CFAP44: variants seen among roughly 807,000 people sequenced by gnomAD.
The protein encoded by CFAP44 is cilia- and flagella-associated protein 44.
CFAP44 carries 134 observed loss-of-function variants against 216.2 expected under a neutral mutation model. The ratio of observed to expected loss-of-function variants is 0.62; its 90% CI spans 0.54 to 0.72. The LOEUF (loss-of-function observed/expected upper bound fraction) is 0.72. CFAP44 is among the 30% of genes least tolerant of loss of function. CFAP44 has a pLI of 0.00. For missense variants in CFAP44, 2,035 were observed against 2,182.1 expected (o/e 0.93, Z 1.34); for synonymous variants, 700 against 727.6 (o/e 0.96, Z 0.61).
chr3:113,362,983 A>G, intron 21 of CFAP44, 162 bp downstream of exon 21: 1 of 1,375,894 alleles, frequency 7.3e-7, no homozygotes, highest in Non-Finnish European at 9.3e-7. Context: ...TAAACCCCAC[A>G]TACAAATTAA....
At chr3:113,375,485 A>G (rs1400354576) in intron 17 of CFAP44, among the ~76,000 whole-genome samples, 1 of 152,196 alleles carries the variant, frequency 6.6e-6, no homozygotes. Flanking sequence ...GATGTAAGAT[A>G]CATACGGAAC....
At chr3:113,359,059 T>C (rs1446285916) in intron 21 of CFAP44, among the ~76,000 whole-genome samples, 184 bp from the exon 22 acceptor site, 1 of 152,214 alleles carries the variant, frequency 6.6e-6, no homozygotes, top group African/African-American at 2.4e-5. Context: ...GAAATGTTCT[T>C]CGCAATTAAC....
intron 1 of CFAP44, among the ~76,000 whole-genome samples, chr3:113,440,926 C>T (rs1023710174): frequency 2.7e-4 from 41 of 152,246 alleles, no homozygotes; most frequent in African/African-American, 9.9e-4. Flanking sequence ...ATGTATGCGA[C>T]TGTCTTTACC....
At chr3:113,388,918 A>C (rs1280628251) in intron 15 of CFAP44, among the ~76,000 whole-genome samples, 1 of 152,224 alleles carries the variant, frequency 6.6e-6, no homozygotes, top group African/African-American at 2.4e-5. Flanking sequence ...ACCCCAATAC[A>C]ACAATAGCTG....
At chr3:113,360,686 G>C (rs1158361166) in intron 21 of CFAP44, 1 of 154,736 alleles carries the variant, frequency 6.5e-6, no homozygotes, top group Non-Finnish European at 1.4e-5. Context: ...GCTCTAACTG[G>C]AGCTAATGGT....
chr3:113,328,480 T>C (rs1367049103), intron 26 of CFAP44, among the ~76,000 whole-genome samples: 3 of 149,834 alleles, frequency 2.0e-5, no homozygotes, highest in Non-Finnish European at 4.4e-5. Flanking sequence ...ACAAAGGAGA[T>C]GAAGAGGTCA....
At chr3:113,325,970 A>G (rs1428565442) in intron 28 of CFAP44, among the ~76,000 whole-genome samples, 2 of 152,220 alleles carry the variant, frequency 1.3e-5, no homozygotes, top group African/African-American at 4.8e-5. Context: ...TTTTCAACAA[A>G]TGATACTACA....
At chr3:113,383,449 C>T (rs1306384757) in intron 15 of CFAP44, among the ~76,000 whole-genome samples, 1 of 152,150 alleles carries the variant, frequency 6.6e-6, no homozygotes, top group Non-Finnish European at 1.5e-5. Flanking sequence ...ACCTAATTCC[C>T]TCAAAGGCCC....
In CFAP44 at chr3:113,333,600, C is replaced by A; in HGVS notation, c.3438-17G>T. On this transcript the variant is annotated splice_polypyrimidine_tract_variant and intron_variant, in intron 24 of 34. Coordinates refer to ENST00000393845, the MANE Select transcript of CFAP44 (RefSeq NM_001164496.2). Reference sequence around the variant, plus strand: ...CTCTTGTATCTATTAGAAAAACAGACAACCCCCCCACACACAAATATGACA... The same window carrying A: ...CTCTTGTATCTATTAGAAAAACAGAAAACCCCCCCACACACAAATATGACA... 1 of 1,502,954 alleles carries A rather than the reference C, an allele frequency of 6.7e-7. No individual in the cohort carries two copies. Among genetic ancestry groups the A allele is most frequent in the Non-Finnish European group, 8.8e-7 (1 of 1,132,282 alleles). The allele number at this position is 1,502,954 out of a possible 1,614,324, so 93.1% of individuals were successfully genotyped here.
At chr3:113,437,384 TA>T (rs1209128395) in intron 1 of CFAP44, among the ~76,000 whole-genome samples, 2 of 152,134 alleles carry the variant, frequency 1.3e-5, no homozygotes, top group African/African-American at 4.8e-5. Flanking sequence ...ATAAGGTGGG[TA>T]AAAAACAATT....
At chr3:113,405,387 G>A (rs1934249502) in intron 8 of CFAP44, among the ~76,000 whole-genome samples, 1 of 152,200 alleles carries the variant, frequency 6.6e-6, no homozygotes, top group Non-Finnish European at 1.5e-5. Flanking sequence ...GTTCTGAGAA[G>A]TCTAGGCCCT....
At chr3:113,405,059 A>G (rs1934241445) in intron 8 of CFAP44, among the ~76,000 whole-genome samples, 1 of 152,232 alleles carries the variant, frequency 6.6e-6, no homozygotes, top group African/African-American at 2.4e-5. Context: ...GAGCTTCTGT[A>G]CAGACTGATG....
rs751999264 is a variant in CFAP44 at position 113,363,260 on chromosome 3, T to C, written c.2819A>G (p.Glu940Gly). The change falls in exon 21 of 35, where the codon GAA becomes GGA. Residue 940 changes from glutamate (E) to glycine (G), a missense_variant. By Grantham distance (98) the Glu-to-Gly change is moderately conservative. This residue lies in a region of CFAP44 where 1,883 missense variants were observed against 2,023.7 expected (regional missense o/e 0.93). Transcript: ENST00000393845. ...RKREHDKLMK[E>G]VGEIKARKRE... ...CTTCCGTGCCTTTATTTCTCCCACTTCTTTCATTAACTTGTCATGTTCTCT... is the reference window on the plus strand; with the variant it reads ...CTTCCGTGCCTTTATTTCTCCCACTCCTTTCATTAACTTGTCATGTTCTCT... The C allele has an allele frequency of 6.2e-7, 1 of 1,612,898 alleles. No individual in the cohort carries two copies. Among genetic ancestry groups the C allele is most frequent in the Non-Finnish European group, 8.5e-7 (1 of 1,179,672 alleles).
intron 4 of CFAP44, among the ~76,000 whole-genome samples, chr3:113,422,577 T>G (rs1934846466): frequency 6.6e-6 from 1 of 152,182 alleles, no homozygotes. Context: ...TGTATAGAAA[T>G]GTGAATGAAT....
chr3:113,323,141 G>C (rs377508018), intron 28 of CFAP44, among the ~76,000 whole-genome samples: 5 of 152,178 alleles, frequency 3.3e-5, no homozygotes, highest in African/African-American at 1.2e-4. Flanking sequence ...CAAAATTCAA[G>C]ATGAGATTTC....
chr3:113,426,146 G>T lies in CFAP44; in HGVS notation c.385C>A (p.Pro129Thr). The change falls in exon 4 of 35, where the codon CCA (proline) becomes ACA (threonine). Residue 129 changes from proline (P) to threonine (T), a missense_variant. By Grantham distance (38) the Pro-to-Thr change is conservative. This residue lies in a region of CFAP44 where 3 missense variants were observed against 16.6 expected (regional missense o/e 0.18). Transcript: ENST00000393845. ...TACACAAGTGTGAGAAGATCCAGTG[G>T]TATGTTTGAATCCAGAGTCACAAAA... is the stretch of plus-strand genomic sequence containing the variant. ...MPFVTLDSNI[P>T]LDLLTLVHSF... The T allele has an allele frequency of 1.2e-6, 2 of 1,614,054 alleles. No homozygotes were observed. Among genetic ancestry groups the T allele is most frequent in the South Asian group, 1.1e-5 (1 of 91,074 alleles).
chr3:113,383,666 G>T (rs542226118), intron 15 of CFAP44, among the ~76,000 whole-genome samples: 4 of 152,270 alleles, frequency 2.6e-5, no homozygotes, highest in Non-Finnish European at 5.9e-5. Context: ...TGTCGTGAAA[G>T]AACTACTTGG....
intron 28 of CFAP44, among the ~76,000 whole-genome samples, chr3:113,321,047 T>C (rs1950142188): frequency 6.6e-6 from 1 of 152,176 alleles, no homozygotes; most frequent in Non-Finnish European, 1.5e-5. Context: ...AATATCAAAA[T>C]TTTTTGGCAG....
rs1949961387 is a variant in CFAP44 at position 113,303,915 on chromosome 3, C to T, written c.5077+1G>A. 6.5e-7 allele frequency: 1 copy of T among 1,537,424 alleles called. No individual in the cohort carries two copies. The highest frequency in any genetic ancestry group is 1.4e-5 in the African/African-American group (1 of 72,998). ...GCAAGGCTGTGGGCTTAGATACTCA[C>T]TGTGTATGGTTTTTGTCATTTCTCT... On this transcript the variant is annotated splice_donor_variant, in intron 32 of 34. Coordinates refer to ENST00000393845, the MANE Select transcript of CFAP44 (RefSeq NM_001164496.2). LOFTEE classifies it high-confidence loss of function.
Sources: gnomAD v4.1 joint callset for allele counts (sites outside exome capture counted in the v4.1 genomes callset) on GRCh38, gnomAD v4.1.1 for gene constraint, gnomAD v4.1.1 regional missense constraint, MANE v1.5 for transcripts, NCBI Gene and HGNC (gene_info 2026-07-23, HGNC 2026-07-21) for gene names.